The following CWF19L1 variants were observed in gnomAD, a reference collection of about 807,000 sequenced individuals.
CWF19L1 encodes the protein CWF19 like cell cycle control factor 1, also known as CWF19-like protein 1.
A neutral mutation model predicts 69.7 loss-of-function variants in CWF19L1; 60 were observed. That is an observed-to-expected ratio of 0.86 (90% CI 0.70 to 1.07). The LOEUF is 1.07. CWF19L1 is among the 50% of genes least tolerant of loss of function. The pLI, the probability that CWF19L1 is intolerant of heterozygous loss-of-function variation, is 0.00. For missense variants in CWF19L1, 591 were observed against 638.9 expected (o/e 0.92, Z 0.81); for synonymous variants, 209 against 222.2 (o/e 0.94, Z 0.53).
At chr10:100,265,005 C>T (rs1847524442) in intron 1 of CWF19L1, among the ~76,000 whole-genome samples, 3 of 151,696 alleles carry the variant, frequency 2.0e-5, no homozygotes, top group Admixed American at 6.6e-5. Context: ...CCTGTAGTCC[C>T]AGCTACTCAG....
At chr10:100,246,015 A>G (rs748009364) in intron 8 of CWF19L1, 102 bp from the exon 9 acceptor site, 17 of 828,950 alleles carry the variant, frequency 2.1e-5, no homozygotes, top group Admixed American at 1.0e-4. Flanking sequence ...TGCCATACCT[A>G]TCTTTCTTCT....
chr10:100,256,323 C>T lies in CWF19L1; in HGVS notation c.443G>A (p.Gly148Asp), dbSNP rs373557263. The change falls in exon 5 of 14, where the codon GGT becomes GAT. Residue 148 changes from glycine (G) to aspartate (D), a missense_variant. Transcript: ENST00000354105. ...MMLCTTSQFK[G>D]VDILLTSPWP... The stretch of plus-strand genomic sequence containing the variant: ...TGGGGATGTGAGCAAGATATCAACA[C>T]CCTTAAACTGGGAGGTTGTACACAG... 2 of 1,614,176 alleles carry T rather than the reference C, an allele frequency of 1.2e-6. No homozygotes were observed. Among genetic ancestry groups the T allele is most frequent in the Non-Finnish European group, 1.7e-6 (2 of 1,180,024 alleles).
chr10:100,246,187 C>T, intron 8 of CWF19L1: 1 of 329,186 alleles, frequency 3.0e-6, no homozygotes. Context: ...TAAAGCAGAA[C>T]ATGAACCCAC....
intron 9 of CWF19L1, among the ~76,000 whole-genome samples, chr10:100,244,574 C>T (rs1846747499): frequency 6.6e-6 from 1 of 152,144 alleles, no homozygotes; most frequent in Non-Finnish European, 1.5e-5. Flanking sequence ...CCAGGATGGT[C>T]TCGATCTCCT....
intron 12 of CWF19L1, among the ~76,000 whole-genome samples, chr10:100,236,197 T>C (rs1275788096): frequency 6.6e-6 from 1 of 150,518 alleles, no homozygotes; most frequent in African/African-American, 2.4e-5. Context: ...CTCAAACTCC[T>C]AGGCTTAAGT....
At chr10:100,249,956 C>G (rs1353400600) in intron 7 of CWF19L1, among the ~76,000 whole-genome samples, 1 of 152,192 alleles carries the variant, frequency 6.6e-6, no homozygotes, top group African/African-American at 2.4e-5. Flanking sequence ...GGCAAATTCA[C>G]AAATACCCAT....
In CWF19L1 at chr10:100,261,933, G is replaced by A. The variant is rs12251354; in HGVS notation, c.108+46C>T. 9.2e-3 allele frequency: 13,948 copies of A among 1,516,052 alleles called. 1,069 individuals carry two copies. In the African/African-American group the frequency reaches 0.17, roughly 19 times the overall value. 93.9% of individuals were successfully genotyped at this position (1,516,052 alleles called of 1,614,324 possible). ...AGGAGTGCAAACTTTATTTTTATGTGTGACTACAAAGGTAAAATTAAATTC... is the reference window on the plus strand; with the variant it reads ...AGGAGTGCAAACTTTATTTTTATGTATGACTACAAAGGTAAAATTAAATTC... On this transcript the variant is annotated intron_variant, in intron 2 of 13. Transcript: ENST00000354105.
chr10:100,262,535 A>T, intron 1 of CWF19L1: 1 of 878,594 alleles, frequency 1.1e-6, no homozygotes, highest in Non-Finnish European at 1.4e-6. Context: ...CGCTAAGTAC[A>T]ATATGCCAAG....
rs1265180961 is a variant in CWF19L1, at chr10:100,256,365, G to T, written c.401C>A (p.Ser134Tyr). 29 of 1,613,890 alleles carry T rather than the reference G, an allele frequency of 1.8e-5. No homozygotes were observed. The highest frequency in any genetic ancestry group is 2.7e-5 in the African/African-American group (2 of 74,922). The change falls in exon 5 of 14, where the codon TCT (serine) becomes TAT (tyrosine). Residue 134 changes from serine to tyrosine, a missense_variant. Ser to Tyr is a moderately radical substitution (Grantham distance 144). Around this residue, in one of 3 missense-constraint regions of CWF19L1, gnomAD observed 458 missense variants for 489.3 expected, o/e 0.94. Transcript: ENST00000354105. ...TGTACACAGCATCATTCTCAGAGAA[G>T]ACACATCCTTGGGACTAAAACTATA... The part of the protein sequence containing the change: ...PGYSFSPKDV[S>Y]SLRMMLCTTS...
chr10:100,263,576 A>C (rs1847473971), intron 1 of CWF19L1, among the ~76,000 whole-genome samples: 2 of 152,152 alleles, frequency 1.3e-5, no homozygotes. Flanking sequence ...AGGAGCCTGC[A>C]TTTCTTCCAT....
intron 4 of CWF19L1, among the ~76,000 whole-genome samples, chr10:100,258,162 C>T (rs539818723): frequency 1.3e-5 from 2 of 152,228 alleles, no homozygotes; most frequent in East Asian, 1.9e-4. Flanking sequence ...CGCTTGAATC[C>T]GGGAGGCAGA....
At chr10:100,249,244 A>G (rs1846939279) in intron 7 of CWF19L1, 2 of 240,196 alleles carry the variant, frequency 8.3e-6, no homozygotes, top group Non-Finnish European at 8.2e-6. Context: ...CCCCCAAAAA[A>G]AGCTTGAAAT....
intron 1 of CWF19L1, among the ~76,000 whole-genome samples, chr10:100,266,712 G>C (rs1212292182): frequency 6.8e-6 from 1 of 146,492 alleles, no homozygotes; most frequent in Non-Finnish European, 1.5e-5. Flanking sequence ...TAGAGACGGG[G>C]TGTCACCACG....
At chr10:100,236,516 C>A (rs7905389) in intron 12 of CWF19L1, among the ~76,000 whole-genome samples, 11,420 of 152,132 alleles carry the variant, frequency 0.075, 582 homozygotes, top group African/African-American at 0.14. Context: ...GTGGCTCATG[C>A]CTGTAATACC....
chr10:100,257,527 T>G (rs909775827), intron 4 of CWF19L1, among the ~76,000 whole-genome samples: 2 of 151,962 alleles, frequency 1.3e-5, no homozygotes, highest in African/African-American at 4.8e-5. Flanking sequence ...CTCAACCTCT[T>G]GACCTCGTGA....
intron 10 of CWF19L1, among the ~76,000 whole-genome samples, chr10:100,238,695 C>T (rs540131625): frequency 3.1e-4 from 47 of 152,232 alleles, no homozygotes; most frequent in Admixed American, 9.2e-4. Flanking sequence ...TTTGAGAGGC[C>T]GAGGCAGGTG....
chr10:100,257,287 C>CTTTT (rs55939570), intron 4 of CWF19L1, among the ~76,000 whole-genome samples: 70 of 105,844 alleles, frequency 6.6e-4, no homozygotes, highest in East Asian at 1.2e-3. Context: ...AGTGCTTTAC[C>CTTTT]TTTTTTTTTT....
intron 10 of CWF19L1, among the ~76,000 whole-genome samples, chr10:100,241,703 A>C (rs758052177): frequency 6.6e-6 from 1 of 152,256 alleles, no homozygotes; most frequent in Non-Finnish European, 1.5e-5. Context: ...TTCGTGCTGC[A>C]TCATCCCATG....
chr10:100,246,803 C>A lies in CWF19L1; in HGVS notation c.841G>T (p.Ala281Ser), dbSNP rs1846837981. Reference protein sequence around the residue: ...QEASIGKQILAPVEESACQFF... With the variant: ...QEASIGKQILSPVEESACQFF... ...CCTCAATCAGAACATACCACAGGGG[C>A]AAGAATTTGCTTTCCTATGGATGCT... Residue 281 changes from alanine (A) to serine (S), a missense_variant, in exon 8 of 14, where the codon GCC becomes TCC. Physicochemically the swap from Ala to Ser is moderately conservative, Grantham distance 99 (BLOSUM62 1). Around this residue, in one of 3 missense-constraint regions of CWF19L1, gnomAD observed 458 missense variants for 489.3 expected, o/e 0.94. Coordinates refer to ENST00000354105, the MANE Select transcript of CWF19L1 (RefSeq NM_018294.6). 3 of 1,613,272 alleles carry A rather than the reference C, an allele frequency of 1.9e-6. No individual in the cohort carries two copies. Among genetic ancestry groups the A allele is most frequent in the Non-Finnish European group, 2.5e-6 (3 of 1,179,458 alleles).
Sources: allele counts gnomAD v4.1 joint callset (sites outside exome capture counted in the v4.1 genomes callset), GRCh38; gene constraint gnomAD v4.1.1; regional missense constraint gnomAD v4.1.1; transcripts MANE v1.5; gene names NCBI Gene and HGNC (gene_info 2026-07-23, HGNC 2026-07-21).